PELI1: variants seen among roughly 807,000 people sequenced by gnomAD.
The protein encoded by PELI1 is E3 ubiquitin-protein ligase pellino homolog 1.
In PELI1, 15 loss-of-function variants were observed where a neutral mutation model predicts 41.3. The ratio of observed to expected loss-of-function variants is 0.36; its 90% confidence interval spans 0.24 to 0.56. The LOEUF (loss-of-function observed/expected upper bound fraction) is 0.56, where lower values mean the gene tolerates loss of function less well. Ranked by LOEUF, PELI1 falls within the 20% of genes least tolerant of loss-of-function variation. The probability of loss-of-function intolerance (pLI) is 0.82; values close to 1 mark genes in which losing one functional copy is unlikely to be tolerated. For missense variants in PELI1, 403 were observed against 525.5 expected, an observed-to-expected ratio of 0.77 and a Z score of 2.28; for synonymous variants, 178 against 180.1, an observed-to-expected ratio of 0.99 and a Z score of 0.09.
chr2:64,102,839 T>C (rs1308503789), intron 3 of PELI1, among the ~76,000 whole-genome samples: 1 of 130,530 alleles, frequency 7.7e-6, no homozygotes, highest in East Asian at 4.3e-4. Flanking sequence ...GTCAATCTTT[T>C]TTTTTTTTTT....
At chr2:64,113,598 T>C (rs1680895832) in intron 1 of PELI1, among the ~76,000 whole-genome samples, 1 of 152,156 alleles carries the variant, frequency 6.6e-6, no homozygotes, top group Non-Finnish European at 1.5e-5. Flanking sequence ...TTGCTCTCAT[T>C]AGCAGGAACT....
chr2:64,104,928 T>C, intron 2 of PELI1, 98 bp from the exon 3 acceptor site: 2 of 982,626 alleles, frequency 2.0e-6, no homozygotes, highest in South Asian at 3.3e-5. Flanking sequence ...TCCCAATTAA[T>C]TATCTATTAA....
At chr2:64,110,287 CAGAG>C (rs143337849) in intron 1 of PELI1, among the ~76,000 whole-genome samples, 1 of 145,512 alleles carries the variant, frequency 6.9e-6, no homozygotes, top group Non-Finnish European at 1.5e-5. Context: ...ATCCTGGAAG[CAGAG>C]AGAGAGAGAG....
At chr2:64,121,864 C>A (rs1482953434) in intron 1 of PELI1, among the ~76,000 whole-genome samples, 3 of 148,446 alleles carry the variant, frequency 2.0e-5, no homozygotes, top group African/African-American at 7.5e-5. Context: ...GAGATCACGC[C>A]ATGGCACTCC....
intron 4 of PELI1, among the ~76,000 whole-genome samples, chr2:64,097,922 C>A (rs890524905): frequency 6.6e-5 from 10 of 152,138 alleles, no homozygotes; most frequent in South Asian, 6.2e-4. Context: ...AATAAAGATA[C>A]CTTAAATGGC....
chr2:64,128,769 C>T (rs1681465836), intron 1 of PELI1, among the ~76,000 whole-genome samples: 1 of 152,074 alleles, frequency 6.6e-6, no homozygotes, highest in African/African-American at 2.4e-5. Flanking sequence ...CAAGGATCTC[C>T]TCTATTAATA....
intron 1 of PELI1, among the ~76,000 whole-genome samples, chr2:64,111,482 A>G (rs1680805955): frequency 6.6e-6 from 1 of 152,232 alleles, no homozygotes; most frequent in Non-Finnish European, 1.5e-5. Context: ...AAACATTTCC[A>G]TCATTCAAAT....
chr2:64,098,116 C>T (rs1009672053), intron 4 of PELI1, among the ~76,000 whole-genome samples: 1 of 151,882 alleles, frequency 6.6e-6, no homozygotes, highest in Non-Finnish European at 1.5e-5. Flanking sequence ...GACACTGAAG[C>T]AATATTTGTA....
At chr2:64,137,482 T>A (rs1158500873) in intron 1 of PELI1, among the ~76,000 whole-genome samples, 1 of 151,996 alleles carries the variant, frequency 6.6e-6, no homozygotes, top group Non-Finnish European at 1.5e-5. Flanking sequence ...TATGATCTTG[T>A]ATGTGTGTGT....
intron 2 of PELI1, among the ~76,000 whole-genome samples, chr2:64,106,888 G>C (rs1484067838): frequency 6.6e-6 from 1 of 152,134 alleles, no homozygotes; most frequent in Admixed American, 6.5e-5. Flanking sequence ...TTAGGCAAAA[G>C]GAGGGAAACA....
In PELI1 at chr2:64,119,955, C is replaced by T. The variant is rs565709380; in HGVS notation, c.-69-11576G>A. Among the ~76,000 whole-genome samples the T allele has an allele frequency of 3.5e-3, 540 of 152,264 alleles. 3 individuals are homozygous for T. The highest frequency in any genetic ancestry group is 0.012 in the African/African-American group (510 of 41,552). On this transcript the variant is annotated intron_variant, in intron 1 of 6. Transcript: ENST00000358912. ...TGTAAAGAAAGAAGCCCCTTTAGCA[C>T]TATTAAGTGAAACTGATTTTTGTGG... is the stretch of plus-strand genomic sequence containing the variant.
At position 64,112,162 on chromosome 2, in the gene PELI1, G is replaced by T. The variant is rs372056882; in HGVS notation, c.-69-3783C>A. Reference sequence around the variant, plus strand: ...ATTAAATAGAATTAGTAAGTGCACAGATATGGCAAACATCTGAAAGTGTAA... The same window carrying T: ...ATTAAATAGAATTAGTAAGTGCACATATATGGCAAACATCTGAAAGTGTAA... On this transcript the variant is annotated intron_variant, in intron 1 of 6. Transcript: ENST00000358912. 2.0e-5 allele frequency among the ~76,000 whole-genome samples: 3 copies of T among 152,108 alleles called. No homozygotes were observed. In the East Asian group the frequency reaches 5.8e-4, roughly 29 times the overall value.
intron 1 of PELI1, among the ~76,000 whole-genome samples, chr2:64,118,135 AT>A (rs1681063216): frequency 6.6e-6 from 1 of 152,128 alleles, no homozygotes; most frequent in Admixed American, 6.5e-5. Flanking sequence ...CAGAGTGAAT[AT>A]TTTAAATCAC....
At chr2:64,108,748 T>C (rs1331487990) in intron 1 of PELI1, among the ~76,000 whole-genome samples, 1 of 152,120 alleles carries the variant, frequency 6.6e-6, no homozygotes, top group East Asian at 1.9e-4. Flanking sequence ...TGGTGTAAAT[T>C]CTCTGGGTTT....
At chr2:64,097,436 G>A (rs1680279869) in intron 4 of PELI1, among the ~76,000 whole-genome samples, 1 of 152,180 alleles carries the variant, frequency 6.6e-6, no homozygotes, top group South Asian at 2.1e-4. Flanking sequence ...CTGGTTCTTA[G>A]GGATATTTCA....
chr2:64,094,819 G>T lies in PELI1; in HGVS notation c.1140C>A (p.Ser380=). ...GAGTACCATGAGGAAGTGGGATCTG[G>T]GACCAATAGGCAGTTGTCTTTTCTG... ...VCSEKTTAYW[S]QIPLPHGTHT... is the part of the protein sequence containing the mutation. The change falls in exon 7 of 7, where the codon TCC becomes TCA. Residue 380 remains serine (S), a synonymous_variant. Coordinates refer to ENST00000358912, the MANE Select transcript of PELI1 (RefSeq NM_020651.4). 1 of 1,614,190 alleles carries T rather than the reference G, an allele frequency of 6.2e-7. No homozygotes were observed. Among genetic ancestry groups the T allele is most frequent in the South Asian group, 1.1e-5 (1 of 91,080 alleles).
chr2:64,108,372 A>T lies in PELI1; in HGVS notation c.-62T>A. ...TCAGGAGCCTTGGGACACCTTTTGC[A>T]TTATTTCCTAGAGGGGAAAAGTTTT... is the stretch of plus-strand genomic sequence containing the variant. On this transcript the variant is annotated 5_prime_UTR_variant, in exon 2 of 7. It removes an upstream start codon present in the reference 5' UTR. Coordinates refer to ENST00000358912, the MANE Select transcript of PELI1 (RefSeq NM_020651.4). 1 of 948,220 alleles carries T rather than the reference A, an allele frequency of 1.1e-6. No homozygotes were observed. Among genetic ancestry groups the T allele is most frequent in the Non-Finnish European group, 1.7e-6 (1 of 583,768 alleles). 58.7% of individuals were successfully genotyped at this position (948,220 alleles called of 1,614,324 possible).
chr2:64,136,985 C>G lies in PELI1; in HGVS notation c.-70+7096G>C, dbSNP rs546169374. Among the ~76,000 whole-genome samples the G allele has an allele frequency of 7.0e-4, 106 of 152,294 alleles. No homozygotes were observed. The South Asian group carries it at 0.021, about 31-fold the overall frequency. ...AAGAAAAAGAATGGCTTTCTTTACTCAATATTATCAGGAGAGTAAAAATCA... is the reference window on the plus strand; with the variant it reads ...AAGAAAAAGAATGGCTTTCTTTACTGAATATTATCAGGAGAGTAAAAATCA... On this transcript the variant is annotated intron_variant, in intron 1 of 6. Transcript: ENST00000358912.
intron 1 of PELI1, among the ~76,000 whole-genome samples, chr2:64,143,876 T>C (rs1227612636): frequency 1.3e-5 from 2 of 151,608 alleles, no homozygotes; most frequent in East Asian, 2.0e-4. Context: ...GGCCGGTTCC[T>C]GACAAAGGCG....
Sources: allele counts gnomAD v4.1 joint callset (sites outside exome capture counted in the v4.1 genomes callset), GRCh38; gene constraint gnomAD v4.1.1; transcripts MANE v1.5; gene names NCBI Gene and HGNC (gene_info 2026-07-23, HGNC 2026-07-21).